KCNK13: variants seen among roughly 807,000 people sequenced by gnomAD.
KCNK13 encodes the protein potassium two pore domain channel subfamily K member 13.
A neutral mutation model predicts 23.4 loss-of-function variants in KCNK13; 12 were observed. The ratio of observed to expected loss-of-function variants is 0.51; its 90% CI spans 0.33 to 0.83. The LOEUF (loss-of-function observed/expected upper bound fraction) is 0.83. KCNK13 is among the 40% of genes least tolerant of loss of function. KCNK13 has a pLI of 0.02. For synonymous variants in KCNK13, 231 were observed against 229.5 expected (o/e 1.01, Z -0.06); for missense variants, 463 against 556.3 (o/e 0.83, Z 1.69).
chr14:90,107,873 G>A (rs1022010811), intron 1 of KCNK13: 15 of 804,870 alleles, frequency 1.9e-5, no homozygotes, highest in Non-Finnish European at 3.1e-5. Flanking sequence ...GCTCACGGGA[G>A]CAAGAATGGG....
intron 1 of KCNK13, among the ~76,000 whole-genome samples, chr14:90,139,618 C>G (rs1219877048): frequency 6.6e-6 from 1 of 152,146 alleles, no homozygotes; most frequent in Non-Finnish European, 1.5e-5. Flanking sequence ...ACAATTTACT[C>G]TGACACTGGG....
At chr14:90,151,326 T>C (rs1347924040) in intron 1 of KCNK13, among the ~76,000 whole-genome samples, 3 of 152,238 alleles carry the variant, frequency 2.0e-5, no homozygotes, top group African/African-American at 7.2e-5. Flanking sequence ...GGAATAGCCA[T>C]CCTAACAGTT....
At chr14:90,097,057 G>A (rs1201423396) in intron 1 of KCNK13, among the ~76,000 whole-genome samples, 2 of 152,040 alleles carry the variant, frequency 1.3e-5, no homozygotes, top group African/African-American at 4.8e-5. Context: ...AAGGGGAGTG[G>A]GAGATGAAAC....
intron 1 of KCNK13, among the ~76,000 whole-genome samples, chr14:90,120,096 C>G (rs185598066): frequency 3.5e-4 from 53 of 152,262 alleles, no homozygotes; most frequent in African/African-American, 1.3e-3. Context: ...GCCTCAGTGT[C>G]TGTTGTTCCC....
intron 1 of KCNK13, among the ~76,000 whole-genome samples, chr14:90,169,662 A>G (rs899198514): frequency 6.6e-6 from 1 of 152,186 alleles, no homozygotes; most frequent in African/African-American, 2.4e-5. Context: ...TAGCCTGTGA[A>G]GTACAGATGC....
chr14:90,127,924 A>AAT (rs1397354013), intron 1 of KCNK13, among the ~76,000 whole-genome samples: 3 of 152,058 alleles, frequency 2.0e-5, no homozygotes, highest in Non-Finnish European at 4.4e-5. Flanking sequence ...AATAAGGAAG[A>AAT]ATATATATTG....
chr14:90,155,433 A>T lies in KCNK13; in HGVS notation c.335-28678A>T, dbSNP rs555737452. On this transcript the variant is annotated intron_variant, in intron 1 of 1. Transcript: ENST00000282146. Reference sequence around the variant, plus strand: ...TTTCACACCAGGTGAATGGGGGCCAATGGAGAGTTTGGGGCTACGGGGTGT... The same window carrying T: ...TTTCACACCAGGTGAATGGGGGCCATTGGAGAGTTTGGGGCTACGGGGTGT... Among the ~76,000 whole-genome samples, 5 of 152,290 alleles carry T rather than the reference A, an allele frequency of 3.3e-5. No homozygotes were observed. In the East Asian group the frequency reaches 9.7e-4, roughly 29 times the overall value.
intron 1 of KCNK13, among the ~76,000 whole-genome samples, chr14:90,134,605 A>T (rs1889913613): frequency 6.6e-6 from 1 of 152,230 alleles, no homozygotes; most frequent in Non-Finnish European, 1.5e-5. Flanking sequence ...AGCTCACGTT[A>T]TTTAACTCTT....
At chr14:90,101,799 A>AAAAAAAAAAAAAAAAAAC (rs1889482623) in intron 1 of KCNK13, among the ~76,000 whole-genome samples, 1 of 149,324 alleles carries the variant, frequency 6.7e-6, no homozygotes. Context: ...CCAAAAAAAA[A>AAAAAAAAAAAAAAAAAAC]AAAAAAAAAA....
intron 1 of KCNK13, among the ~76,000 whole-genome samples, chr14:90,138,625 T>C (rs998438048): frequency 1.3e-5 from 2 of 152,176 alleles, no homozygotes; most frequent in African/African-American, 2.4e-5. Flanking sequence ...CAGAAAGGAA[T>C]CTAAAAATCC....
At chr14:90,150,802 A>C (rs1206991931) in intron 1 of KCNK13, among the ~76,000 whole-genome samples, 1 of 152,128 alleles carries the variant, frequency 6.6e-6, no homozygotes, top group Non-Finnish European at 1.5e-5. Flanking sequence ...GATAGAGATG[A>C]GATCTGGTTG....
At chr14:90,078,277 G>A (rs61142073) in intron 1 of KCNK13, among the ~76,000 whole-genome samples, 20,197 of 151,990 alleles carry the variant, frequency 0.13, 1,637 homozygotes, top group South Asian at 0.26. Flanking sequence ...AAAATTAGCT[G>A]GGCATGGTGG....
chr14:90,115,453 T>G (rs1225275001), intron 1 of KCNK13, among the ~76,000 whole-genome samples: 2 of 152,236 alleles, frequency 1.3e-5, no homozygotes, highest in Non-Finnish European at 2.9e-5. Flanking sequence ...AGCCTCATCC[T>G]GGAGAGTTGG....
chr14:90,131,481 C>G (rs1345409413), intron 1 of KCNK13, among the ~76,000 whole-genome samples: 1 of 152,170 alleles, frequency 6.6e-6, no homozygotes, highest in Non-Finnish European at 1.5e-5. Context: ...CTGCCTGCCT[C>G]AGCCTCCCAA....
At chr14:90,111,533 T>C (rs1355573729) in intron 1 of KCNK13, among the ~76,000 whole-genome samples, 1 of 152,130 alleles carries the variant, frequency 6.6e-6, no homozygotes, top group Non-Finnish European at 1.5e-5. Flanking sequence ...GATTCTAGTC[T>C]GGCAGTGGGA....
In KCNK13 at chr14:90,062,569, C is replaced by T; in HGVS notation, c.334+30C>T. On this transcript the variant is annotated intron_variant, in intron 1 of 1. Transcript: ENST00000282146. This position sits in a 1 kb window ranked among gnomAD's most constrained non-coding sequence, Gnocchi z 4.5. ...GTGTGCTGGCCGGACTCGCTGACAA[C>T]CTCCGGGCGGCCTCCACTTCCTCCG... is the stretch of plus-strand genomic sequence containing the variant. 3.5e-6 allele frequency: 5 copies of T among 1,422,086 alleles called. No individual in the cohort carries two copies. Among genetic ancestry groups the T allele is most frequent in the Non-Finnish European group, 4.6e-6 (5 of 1,080,084 alleles). 88.1% of individuals were successfully genotyped at this position (1,422,086 alleles called of 1,614,324 possible). A position where few individuals can be genotyped will look rare whatever the true frequency, so the allele number is the denominator to read the frequency against.
At chr14:90,171,459 T>C (rs984740399) in intron 1 of KCNK13, among the ~76,000 whole-genome samples, 3 of 152,254 alleles carry the variant, frequency 2.0e-5, no homozygotes, top group Non-Finnish European at 2.9e-5. Context: ...ACCCTGAACA[T>C]GTGAGACATG....
At chr14:90,103,067 T>A (rs1889500944) in intron 1 of KCNK13, among the ~76,000 whole-genome samples, 1 of 152,200 alleles carries the variant, frequency 6.6e-6, no homozygotes, top group African/African-American at 2.4e-5. Context: ...CACTTAGGAT[T>A]ATGACTGCCA....
chr14:90,093,386 T>C (rs1418549348), intron 1 of KCNK13, among the ~76,000 whole-genome samples: 1 of 152,208 alleles, frequency 6.6e-6, no homozygotes. Context: ...GTAATATCAG[T>C]TGGAGATGGA....
Sources: gnomAD v4.1 joint callset for allele counts (sites outside exome capture counted in the v4.1 genomes callset) on GRCh38, gnomAD v4.1.1 for gene constraint, Gnocchi (gnomAD v3.1) non-coding constraint, MANE v1.5 for transcripts, NCBI Gene and HGNC (gene_info 2026-07-23, HGNC 2026-07-21) for gene names.